Variants in SLC45A4 observed in about 807,000 individuals in gnomAD.
SLC45A4 encodes solute carrier family 45 member 4.
In SLC45A4, 32 loss-of-function variants were observed where a neutral mutation model predicts 63.7. The ratio of observed to expected loss-of-function variants is 0.50; its 90% CI spans 0.38 to 0.67. SLC45A4 has a LOEUF of 0.67. Ranked by LOEUF, SLC45A4 falls within the 30% of genes least tolerant of loss-of-function variation. SLC45A4 has a pLI of 0.00. For synonymous variants in SLC45A4, 535 were observed against 510.0 expected (o/e 1.05, Z -0.66); for missense variants, 1,027 against 1,157.7 (o/e 0.89, Z 1.64).
intron 1 of SLC45A4, among the ~76,000 whole-genome samples, chr8:141,302,060 C>T (rs1830762080): frequency 1.3e-5 from 2 of 152,080 alleles, no homozygotes; most frequent in African/African-American, 4.8e-5. Flanking sequence ...CTGTTAAGAA[C>T]AATTTGTTCA....
Position 141,229,854 on chromosome 8 carries a change from C to T in SLC45A4, c.242-8089G>A, listed in dbSNP as rs1263284066. On this transcript the variant is annotated intron_variant, in intron 2 of 8. Transcript: ENST00000517878. The surrounding 1 kb of genome is among the most constrained non-coding windows in gnomAD (Gnocchi z 5.0). ...ACTTTGGAGCAGCTTGGGCTTTGAA[C>T]GTGCTGCCCTGCATGTAAAGGGGCA... Among the ~76,000 whole-genome samples the T allele has an allele frequency of 2.0e-5, 3 of 152,126 alleles. No individual in the cohort carries two copies. Among genetic ancestry groups the T allele is most frequent in the Non-Finnish European group, 4.4e-5 (3 of 68,032 alleles).
In SLC45A4 at chr8:141,227,591, G is replaced by A. The variant is rs1827089694; in HGVS notation, c.242-5826C>T. Reference sequence around the variant, plus strand: ...CTTCTGAAGGGCCCCAGACAGGAAAGACACTGGGCCGGGGGAGCCGGGCCC... The same window carrying A: ...CTTCTGAAGGGCCCCAGACAGGAAAAACACTGGGCCGGGGGAGCCGGGCCC... On this transcript the variant is annotated intron_variant, in intron 2 of 8. Coordinates refer to ENST00000517878, the MANE Select transcript of SLC45A4 (RefSeq NM_001286646.2). The surrounding 1 kb of genome is among the most constrained non-coding windows in gnomAD (Gnocchi z 4.4). Among the ~76,000 whole-genome samples, 1 of 152,160 alleles carries A rather than the reference G, an allele frequency of 6.6e-6. No homozygotes were observed. The highest frequency in any genetic ancestry group is 1.5e-5 in the Non-Finnish European group (1 of 68,014).
chr8:141,232,925 A>C (rs1453925932), intron 2 of SLC45A4, among the ~76,000 whole-genome samples: 2 of 151,706 alleles, frequency 1.3e-5, no homozygotes, highest in Non-Finnish European at 2.9e-5. Flanking sequence ...TGTAGATGCT[A>C]CCACCCCGCC....
intron 2 of SLC45A4, among the ~76,000 whole-genome samples, chr8:141,237,769 A>G (rs1827705313): frequency 6.6e-6 from 1 of 152,114 alleles, no homozygotes; most frequent in Non-Finnish European, 1.5e-5. Flanking sequence ...TGGGAGCGCC[A>G]GGTCACGTGC....
At position 141,254,315 on chromosome 8, in the gene SLC45A4, C is replaced by A; in HGVS notation, c.-86G>T. 7.3e-7 allele frequency: 1 copy of A among 1,363,566 alleles called. No homozygotes were observed. Among genetic ancestry groups the A allele is most frequent in the South Asian group, 1.5e-5 (1 of 65,112 alleles). The allele number at this position is 1,363,566 out of a possible 1,614,324, so 84.5% of individuals were successfully genotyped here. ...TATCTGTAATGATAAATTAAGACGT[C>A]TTCTCTTTCTGCTTCTGCTGTGTTC... On this transcript the variant is annotated 5_prime_UTR_variant, in exon 2 of 9. Coordinates refer to ENST00000517878, the MANE Select transcript of SLC45A4 (RefSeq NM_001286646.2). The surrounding 1 kb of genome is among the most constrained non-coding windows in gnomAD (Gnocchi z 4.5).
intron 2 of SLC45A4, among the ~76,000 whole-genome samples, chr8:141,237,880 G>A (rs12543725): frequency 0.33 from 50,259 of 152,146 alleles, 9,143 homozygotes; most frequent in Non-Finnish European, 0.41. Context: ...GTAAGTACTT[G>A]ACGAAAGAAT....
chr8:141,285,766 C>G (rs907235396), intron 1 of SLC45A4, among the ~76,000 whole-genome samples: 2 of 152,236 alleles, frequency 1.3e-5, no homozygotes, highest in African/African-American at 4.8e-5. Context: ...CCCCGTGCCC[C>G]CTTCTGACCG....
At chr8:141,298,187 C>T (rs1252051870) in intron 1 of SLC45A4, among the ~76,000 whole-genome samples, 2 of 152,254 alleles carry the variant, frequency 1.3e-5, no homozygotes, top group Admixed American at 6.5e-5. Flanking sequence ...GAATTGCTAA[C>T]GGGTGATGAA....
rs202129180 is a variant in SLC45A4 at position 141,211,939 on chromosome 8, TA to T, written c.2302-243del. ...CTGAAATTAAAATATCTTTTTCAAT[TA>T]AAAAAAATATTTCAAATGATTCTTT... On this transcript the variant is annotated intron_variant, in intron 8 of 8. Transcript: ENST00000517878. 1.8e-3 allele frequency: 2,260 copies of T among 1,263,922 alleles called. 27 individuals are homozygous for T. The African/African-American group carries it at 0.027, about 15-fold the overall frequency. The allele number at this position is 1,263,922 out of a possible 1,614,324, so 78.3% of individuals were successfully genotyped here.
intron 2 of SLC45A4, chr8:141,224,665 T>G (rs1826866593): frequency 6.6e-6 from 1 of 152,368 alleles, no homozygotes; most frequent in Non-Finnish European, 1.5e-5. Flanking sequence ...CTGGCCAGGC[T>G]GGTCTCAAAC....
At chr8:141,267,845 G>A (rs757406341) in intron 1 of SLC45A4, among the ~76,000 whole-genome samples, 19 of 151,930 alleles carry the variant, frequency 1.3e-4, no homozygotes, top group Non-Finnish European at 2.5e-4. Context: ...CAGCAGGAAC[G>A]CTCGTTCACG....
At chr8:141,288,638 C>T (rs73715806) in intron 1 of SLC45A4, among the ~76,000 whole-genome samples, 1,620 of 152,374 alleles carry the variant, frequency 0.011, 31 homozygotes, top group African/African-American at 0.036. Context: ...CTGTCCTGTC[C>T]TGCAGGACTG....
At chr8:141,286,801 A>C (rs770078606) in intron 1 of SLC45A4, among the ~76,000 whole-genome samples, 1 of 106,258 alleles carries the variant, frequency 9.4e-6, no homozygotes, top group Non-Finnish European at 1.9e-5. Context: ...ATCTTCCCCC[A>C]GTTAAGTTCA....
At chr8:141,288,495 T>A (rs543821187) in intron 1 of SLC45A4, among the ~76,000 whole-genome samples, 1 of 152,364 alleles carries the variant, frequency 6.6e-6, no homozygotes, top group East Asian at 1.9e-4. Context: ...CACGCCTGGT[T>A]GGACCGCTCA....
At chr8:141,260,035 ATGAGCATGGCACCGG>A (rs1274932727) in intron 1 of SLC45A4, among the ~76,000 whole-genome samples, 2 of 152,190 alleles carry the variant, frequency 1.3e-5, no homozygotes, top group Non-Finnish European at 2.9e-5. Context: ...ATGAAACAGC[ATGAGCATGGCACCGG>A]TGTCACCTGT....
At chr8:141,225,460 T>A (rs559250158) in intron 2 of SLC45A4, 1 of 152,288 alleles carries the variant, frequency 6.6e-6, no homozygotes, top group Non-Finnish European at 1.5e-5. Context: ...AACCCAGGCA[T>A]TCCCTCTTCC....
intron 6 of SLC45A4, among the ~76,000 whole-genome samples, chr8:141,216,548 C>T (rs1486593901): frequency 1.3e-5 from 2 of 152,252 alleles, no homozygotes; most frequent in Admixed American, 6.5e-5. Flanking sequence ...TTCGGCCATC[C>T]TCACATCTGG....
Position 141,244,494 on chromosome 8 carries a change from G to A in SLC45A4, c.241+9495C>T, listed in dbSNP as rs147720070. On this transcript the variant is annotated intron_variant, in intron 2 of 8. Transcript: ENST00000517878. ...GAGTTGGACCTTGTCCTTAGGGGAT[G>A]CACAGTCTAGGAGGGAGAGGGCAAC... 2.4e-4 allele frequency among the ~76,000 whole-genome samples: 37 copies of A among 152,304 alleles called. No individual in the cohort carries two copies. In the East Asian group the frequency reaches 5.2e-3, roughly 21 times the overall value.
At chr8:141,301,035 C>A (rs1304628861) in intron 1 of SLC45A4, among the ~76,000 whole-genome samples, 1 of 152,142 alleles carries the variant, frequency 6.6e-6, no homozygotes, top group African/African-American at 2.4e-5. Flanking sequence ...GCCGCAAGGT[C>A]CCCACAAACG....
Sources: gnomAD v4.1 joint callset for allele counts (sites outside exome capture counted in the v4.1 genomes callset) on GRCh38, gnomAD v4.1.1 for gene constraint, Gnocchi (gnomAD v3.1) non-coding constraint, MANE v1.5 for transcripts, NCBI Gene and HGNC (gene_info 2026-07-23, HGNC 2026-07-21) for gene names.